Variants in CUL3 observed in about 807,000 individuals in gnomAD.
CUL3 encodes cullin-3.
A neutral mutation model predicts 89.1 loss-of-function variants in CUL3; 19 were observed. That is an observed-to-expected ratio of 0.21 (90% CI 0.15 to 0.31). The LOEUF is 0.31. CUL3 is among the 10% of genes least tolerant of loss of function. The pLI, the probability that CUL3 is intolerant of heterozygous loss-of-function variation, is 1.00. For synonymous variants in CUL3, 351 were observed against 308.4 expected (o/e 1.14, Z -1.45); for missense variants, 469 against 942.3 (o/e 0.50, Z 6.58).
chr2:224,498,560 G>A (rs944576752), intron 11 of CUL3, among the ~76,000 whole-genome samples: 10 of 152,126 alleles, frequency 6.6e-5, no homozygotes, highest in African/African-American at 2.4e-4. Flanking sequence ...CTGTGAACTC[G>A]AGACTATAGG....
At chr2:224,519,429 G>C (rs1187020464) in intron 3 of CUL3, among the ~76,000 whole-genome samples, 4 of 152,096 alleles carry the variant, frequency 2.6e-5, no homozygotes, top group Admixed American at 2.6e-4. Context: ...AACACAGAAT[G>C]TTTAAAGCCA....
chr2:224,582,157 G>C (rs1206918380), intron 1 of CUL3, among the ~76,000 whole-genome samples: 1 of 152,080 alleles, frequency 6.6e-6, no homozygotes, highest in East Asian at 1.9e-4. Flanking sequence ...GTAGAGATGG[G>C]ATTTCACCAT....
At chr2:224,490,776 T>TC (rs1487653842) in intron 13 of CUL3, among the ~76,000 whole-genome samples, 3 of 152,006 alleles carry the variant, frequency 2.0e-5, no homozygotes, top group Non-Finnish European at 4.4e-5. Context: ...GCTTCTGGAC[T>TC]CCCTTTTGTT....
intron 13 of CUL3, among the ~76,000 whole-genome samples, chr2:224,493,693 C>T (rs1409258499): frequency 6.6e-6 from 1 of 152,050 alleles, no homozygotes; most frequent in African/African-American, 2.4e-5. Flanking sequence ...TTTTATTATC[C>T]CATTATTTTT....
intron 1 of CUL3, among the ~76,000 whole-genome samples, chr2:224,564,195 A>G (rs1574700863): frequency 6.6e-6 from 1 of 152,206 alleles, no homozygotes; most frequent in Non-Finnish European, 1.5e-5. Flanking sequence ...CTAGGGCACA[A>G]GAATCACTTG....
chr2:224,506,688 T>A (rs1692615069), intron 7 of CUL3, among the ~76,000 whole-genome samples, 170 bp downstream of exon 7: 1 of 152,168 alleles, frequency 6.6e-6, no homozygotes, highest in South Asian at 2.1e-4. Flanking sequence ...CTGATATAAA[T>A]ACGCACACCT....
intron 13 of CUL3, among the ~76,000 whole-genome samples, chr2:224,494,587 A>G (rs542134962): frequency 6.6e-6 from 1 of 152,358 alleles, no homozygotes; most frequent in African/African-American, 2.4e-5. Context: ...GCATAAAAAT[A>G]GACCCACCCA....
rs75964924 is a variant in CUL3 at position 224,498,509 on chromosome 2, T to C, written c.1611-660A>G. ...TGTCATTTTGCCTTTCTACAGTTTA[T>C]AAAAAATGAGGACTTTGGGGAGGGA... On this transcript the variant is annotated intron_variant, in intron 11 of 15. Transcript: ENST00000264414. Among the ~76,000 whole-genome samples the C allele has an allele frequency of 3.1e-3, 473 of 152,284 alleles. 2 individuals carry two copies. The highest frequency in any genetic ancestry group is 0.01 in the African/African-American group (432 of 41,564).
intron 2 of CUL3, among the ~76,000 whole-genome samples, chr2:224,547,559 T>C (rs1414494079): frequency 1.3e-5 from 2 of 152,048 alleles, no homozygotes. Flanking sequence ...TCGCTAAAAT[T>C]ATGGGATTCT....
chr2:224,546,182 A>G (rs1290627317), intron 2 of CUL3, among the ~76,000 whole-genome samples: 1 of 152,198 alleles, frequency 6.6e-6, no homozygotes, highest in Non-Finnish European at 1.5e-5. Context: ...TTATAGCATT[A>G]GTATCATGGT....
chr2:224,500,228 G>A (rs186758304), intron 11 of CUL3, 135 bp downstream of exon 11: 31 of 1,042,968 alleles, frequency 3.0e-5, no homozygotes, highest in Non-Finnish European at 3.6e-5. Context: ...TGTATGCCAG[G>A]ATAAATGCTC....
At chr2:224,579,757 A>G (rs547903649) in intron 1 of CUL3, among the ~76,000 whole-genome samples, 1 of 152,320 alleles carries the variant, frequency 6.6e-6, no homozygotes, top group African/African-American at 2.4e-5. Flanking sequence ...CAGGGTAGAG[A>G]TCTTAAGAGC....
intron 13 of CUL3, among the ~76,000 whole-genome samples, chr2:224,492,386 ATAC>A (rs1481396680): frequency 7.9e-5 from 12 of 152,204 alleles, no homozygotes; most frequent in Admixed American, 2.0e-4. Flanking sequence ...TGAATATCAA[ATAC>A]TACTGTTAAG....
intron 1 of CUL3, among the ~76,000 whole-genome samples, chr2:224,577,135 A>G (rs1013050512): frequency 2.6e-5 from 4 of 152,240 alleles, no homozygotes; most frequent in Non-Finnish European, 5.9e-5. Context: ...TATTGGTATA[A>G]TAATAGTTAA....
At chr2:224,545,193 A>G (rs1361184472) in intron 2 of CUL3, among the ~76,000 whole-genome samples, 2 of 152,212 alleles carry the variant, frequency 1.3e-5, no homozygotes, top group Non-Finnish European at 2.9e-5. Flanking sequence ...AAACTTTCCA[A>G]GAATTAACTA....
At chr2:224,535,387 C>T in intron 3 of CUL3, 141 bp downstream of exon 3, 1 of 512,418 alleles carries the variant, frequency 2.0e-6, no homozygotes, top group Non-Finnish European at 3.5e-6. Context: ...CCAGGCTGGT[C>T]TCAATGTCCT....
At chr2:224,575,390 A>T (rs756477159) in intron 1 of CUL3, among the ~76,000 whole-genome samples, 6 of 152,146 alleles carry the variant, frequency 3.9e-5, no homozygotes, top group Non-Finnish European at 7.4e-5. Flanking sequence ...CAGTGGGGGC[A>T]AATAGGTAGA....
chr2:224,477,170 G>A (rs966942325), intron 15 of CUL3, among the ~76,000 whole-genome samples: 1 of 151,998 alleles, frequency 6.6e-6, no homozygotes, highest in Non-Finnish European at 1.5e-5. Context: ...TCTCAAATTT[G>A]AAAAAACATC....
At chr2:224,497,353 A>G (rs1352059404) in intron 12 of CUL3, among the ~76,000 whole-genome samples, 1 of 152,166 alleles carries the variant, frequency 6.6e-6, no homozygotes, top group Non-Finnish European at 1.5e-5. Flanking sequence ...AACAAATCAC[A>G]AATGTTAATT....
Sources: gnomAD v4.1 joint callset for allele counts (sites outside exome capture counted in the v4.1 genomes callset) on GRCh38, gnomAD v4.1.1 for gene constraint, MANE v1.5 for transcripts, NCBI Gene and HGNC (gene_info 2026-07-23, HGNC 2026-07-21) for gene names.